RAI1: variants seen among roughly 807,000 people sequenced by gnomAD.
The protein encoded by RAI1 is retinoic acid-induced protein 1.
A neutral mutation model predicts 123.8 loss-of-function variants in RAI1; 9 were observed. That is an observed-to-expected ratio of 0.07 (90% CI 0.04 to 0.13). RAI1 has a LOEUF of 0.13. RAI1 is among the 10% of genes least tolerant of loss of function. RAI1 has a pLI of 1.00. For synonymous variants in RAI1, 1,231 were observed against 1,127.3 expected (o/e 1.09, Z -1.84); for missense variants, 2,256 against 2,545.8 (o/e 0.89, Z 2.45).
In RAI1 at chr17:17,770,600, A is replaced by G. The variant is rs1372039213; in HGVS notation, c.-16-22333A>G. Among the ~76,000 whole-genome samples, 4 of 120,256 alleles carry G rather than the reference A, an allele frequency of 3.3e-5. No homozygotes were observed. The Admixed American group carries it at 3.7e-4, about 11-fold the overall frequency. The allele number at this position is 120,256 out of a possible 152,430, so 78.9% of individuals were successfully genotyped here. A position where few individuals can be genotyped will look rare whatever the true frequency, so the allele number is the denominator to read the frequency against. On this transcript the variant is annotated intron_variant, in intron 2 of 5. Transcript: ENST00000353383. ...GCGAGGCCTGGCCAGGTCAGGGGCC[A>G]GGGCCTGCCAGCGGCCAGGGAGGTC...
intron 1 of RAI1, among the ~76,000 whole-genome samples, chr17:17,710,075 C>T (rs1428845283): frequency 6.6e-6 from 1 of 152,202 alleles, no homozygotes; most frequent in Non-Finnish European, 1.5e-5. Flanking sequence ...CGCCTAGCCC[C>T]GGCCACGCTC....
At chr17:17,736,679 A>C (rs1916445923) in intron 2 of RAI1, among the ~76,000 whole-genome samples, 1 of 152,214 alleles carries the variant, frequency 6.6e-6, no homozygotes, top group Admixed American at 6.5e-5. Flanking sequence ...AGAGATGAAA[A>C]GCATTTCTGG....
At chr17:17,709,188 C>T (rs544242849) in intron 1 of RAI1, among the ~76,000 whole-genome samples, 2 of 152,286 alleles carry the variant, frequency 1.3e-5, no homozygotes, top group African/African-American at 4.8e-5. Flanking sequence ...CTGAGAGACC[C>T]CAAGGAGGGC....
In RAI1 at chr17:17,685,380, G is replaced by A. The variant is rs1914593439; in HGVS notation, c.-149+3587G>A. Among the ~76,000 whole-genome samples, 1 of 152,272 alleles carries A rather than the reference G, an allele frequency of 6.6e-6. No homozygotes were observed. The highest frequency in any genetic ancestry group is 1.5e-5 in the Non-Finnish European group (1 of 68,048). ...CAGCCCAGTGGGTGATTGGGACCCA[G>A]CTCATAGCCAAGGCCTCGACCAGAG... On this transcript the variant is annotated intron_variant, in intron 1 of 5. Transcript: ENST00000353383. This position sits in a 1 kb window ranked among gnomAD's most constrained non-coding sequence, Gnocchi z 4.0.
At chr17:17,773,410 C>T (rs2031236393) in intron 2 of RAI1, among the ~76,000 whole-genome samples, 2 of 152,206 alleles carry the variant, frequency 1.3e-5, no homozygotes, top group South Asian at 2.1e-4. Context: ...AGGGGGACAC[C>T]GATGCCCTCC....
intron 1 of RAI1, among the ~76,000 whole-genome samples, chr17:17,697,550 T>C (rs112193294): frequency 1.4e-4 from 21 of 152,384 alleles, no homozygotes; most frequent in African/African-American, 4.3e-4. Context: ...GGGGCCGAGA[T>C]TGATGTGCTG....
chr17:17,698,963 C>T (rs1915125427), intron 1 of RAI1, among the ~76,000 whole-genome samples: 1 of 152,172 alleles, frequency 6.6e-6, no homozygotes. Flanking sequence ...CATGGGAATG[C>T]CGGCTGATCA....
chr17:17,794,453 G>GCAGCACGCCACAGTC lies in RAI1; in HGVS notation c.1508_1522dup (p.Ser503_Ser507dup). ...GGCACACCGCTGTCAGAGCCGCCGA[G>GCAGCACGCCACAGTC]CAGCACGCCACAGTCCACGCATGCG... On this transcript the variant is annotated inframe_insertion, in exon 3 of 6. Coordinates refer to ENST00000353383, the MANE Select transcript of RAI1 (RefSeq NM_030665.4). 1 of 1,612,684 alleles carries GCAGCACGCCACAGTC rather than the reference G, an allele frequency of 6.2e-7. No individual in the cohort carries two copies. Among genetic ancestry groups the GCAGCACGCCACAGTC allele is most frequent in the Non-Finnish European group, 8.5e-7 (1 of 1,179,888 alleles).
chr17:17,770,010 C>T, intron 2 of RAI1, among the ~76,000 whole-genome samples: 1 of 152,114 alleles, frequency 6.6e-6, no homozygotes, highest in East Asian at 1.9e-4. Context: ...GGGCCCTGCC[C>T]AGGGTGACAG....
intron 2 of RAI1, among the ~76,000 whole-genome samples, chr17:17,780,480 C>T (rs1344096648): frequency 1.3e-5 from 2 of 148,304 alleles, no homozygotes; most frequent in African/African-American, 2.6e-5. Context: ...TTCACCAAAG[C>T]CCCACGGGCA....
intron 2 of RAI1, among the ~76,000 whole-genome samples, chr17:17,773,267 C>T (rs545540432): frequency 1.1e-4 from 16 of 152,278 alleles, no homozygotes; most frequent in African/African-American, 3.6e-4. Context: ...CTCCTGTGCC[C>T]AGCGTGGAGG....
chr17:17,795,614 A>G lies in RAI1; in HGVS notation c.2666A>G (p.Asp889Gly). 1 of 1,612,980 alleles carries G rather than the reference A, an allele frequency of 6.2e-7. No homozygotes were observed. The highest frequency in any genetic ancestry group is 8.5e-7 in the Non-Finnish European group (1 of 1,179,790). Residue 889 changes from aspartate to glycine, a missense_variant, in exon 3 of 6, where the codon GAC becomes GGC. By Grantham distance (94) the Asp-to-Gly change is moderately conservative. Around this residue, in one of 7 missense-constraint regions of RAI1, gnomAD observed 566 missense variants for 616.0 expected, o/e 0.92. Coordinates refer to ENST00000353383, the MANE Select transcript of RAI1 (RefSeq NM_030665.4). The surrounding 1 kb of genome is among the most constrained non-coding windows in gnomAD (Gnocchi z 5.9). ...GSPEQRPGMQ[D>G]PLSPKAPLIC... ...CCCGAGCAGAGGCCTGGCATGCAGG[A>G]CCCGCTGTCACCCAAGGCCCCACTC...
At chr17:17,766,544 G>C (rs189717900) in intron 2 of RAI1, among the ~76,000 whole-genome samples, 1 of 152,128 alleles carries the variant, frequency 6.6e-6, no homozygotes, top group African/African-American at 2.4e-5. Context: ...TCTGTCTGCC[G>C]AACTCTGGGC....
chr17:17,798,394 G>T lies in RAI1; in HGVS notation c.5446G>T (p.Gly1816Cys). 1 of 1,610,144 alleles carries T rather than the reference G, an allele frequency of 6.2e-7. No individual in the cohort carries two copies. ...ECSKEAPAEP[G>C]GEAQEHWVHE... ...CAGCAAGGAGGCTCCGGCAGAGCCC[G>T]GCGGGGAGGCCCAGGAGCACTGGGT... is the stretch of plus-strand genomic sequence containing the variant. The change falls in exon 3 of 6, where the codon GGC becomes TGC. Residue 1816 changes from glycine to cysteine, a missense_variant. This residue lies in a region of RAI1 where 243 missense variants were observed against 316.6 expected (regional missense o/e 0.77). Transcript: ENST00000353383.
chr17:17,715,090 G>A (rs1915669273), intron 1 of RAI1, among the ~76,000 whole-genome samples: 1 of 152,230 alleles, frequency 6.6e-6, no homozygotes, highest in African/African-American at 2.4e-5. Flanking sequence ...GCCAGGACAG[G>A]CCCAAGCCAG....
intron 2 of RAI1, among the ~76,000 whole-genome samples, chr17:17,750,765 C>T (rs1211679531): frequency 6.6e-6 from 1 of 151,534 alleles, no homozygotes; most frequent in Non-Finnish European, 1.5e-5. Flanking sequence ...AAGGCTGAGA[C>T]CCTCACCCCT....
At chr17:17,720,761 C>T (rs535019618) in intron 1 of RAI1, among the ~76,000 whole-genome samples, 52 of 152,300 alleles carry the variant, frequency 3.4e-4, no homozygotes, top group African/African-American at 1.1e-3. Context: ...TGGTCAGATC[C>T]TGACCTTGGG....
chr17:17,689,813 G>C lies in RAI1; in HGVS notation c.-149+8020G>C, dbSNP rs145602220. 1.7e-4 allele frequency among the ~76,000 whole-genome samples: 26 copies of C among 152,292 alleles called. No homozygotes were observed. In the East Asian group the frequency reaches 4.8e-3, roughly 28 times the overall value. ...GGTACATAGAAAGTGCCAGAGCATGGCCCTTCCTCCATTGTTGCTTTTATT... is the reference window on the plus strand; with the variant it reads ...GGTACATAGAAAGTGCCAGAGCATGCCCCTTCCTCCATTGTTGCTTTTATT... On this transcript the variant is annotated intron_variant, in intron 1 of 5. Transcript: ENST00000353383.
chr17:17,786,614 C>T (rs2031836539), intron 2 of RAI1, among the ~76,000 whole-genome samples: 1 of 152,150 alleles, frequency 6.6e-6, no homozygotes, highest in African/African-American at 2.4e-5. Context: ...GTGGTATTTC[C>T]AGAGGTAAAA....
Sources: allele counts gnomAD v4.1 joint callset (sites outside exome capture counted in the v4.1 genomes callset), GRCh38; gene constraint gnomAD v4.1.1; regional missense constraint gnomAD v4.1.1; non-coding constraint Gnocchi (gnomAD v3.1); transcripts MANE v1.5; gene names NCBI Gene and HGNC (gene_info 2026-07-23, HGNC 2026-07-21).